The following GPRC6A variants were observed in gnomAD, a reference collection of about 807,000 sequenced individuals.
The protein encoded by GPRC6A is G protein-coupled receptor family C group 6 member A.
A neutral mutation model predicts 47.0 loss-of-function variants in GPRC6A; 54 were observed. The observed-to-expected ratio is 1.15, with a 90% CI of 0.92 to 1.44. The LOEUF (loss-of-function observed/expected upper bound fraction) is 1.44. Among genes scored for constraint, GPRC6A ranks in the 40% most tolerant of loss-of-function variants. The pLI, the probability that GPRC6A is intolerant of heterozygous loss-of-function variation, is 0.00. For missense variants in GPRC6A, 1,112 were observed against 1,105.5 expected, an observed-to-expected ratio of 1.01 and a Z score of -0.08; for synonymous variants, 347 against 377.1, an observed-to-expected ratio of 0.92 and a Z score of 0.93.
intron 3 of GPRC6A, among the ~76,000 whole-genome samples, chr6:116,802,996 T>A (rs2114589780): frequency 6.6e-6 from 1 of 152,148 alleles, no homozygotes; most frequent in East Asian, 1.9e-4. Context: ...GCAACTACCT[T>A]GCTACACTTA....
At chr6:116,816,730 G>A (rs1050370144) in intron 1 of GPRC6A, among the ~76,000 whole-genome samples, 30 of 152,370 alleles carry the variant, frequency 2.0e-4, no homozygotes, top group Admixed American at 4.6e-4. Context: ...CTTGGGAAGC[G>A]CAAGGGGTCA....
chr6:116,796,464 C>T (rs765511717), intron 4 of GPRC6A, among the ~76,000 whole-genome samples: 25 of 151,978 alleles, frequency 1.6e-4, no homozygotes, highest in Non-Finnish European at 3.4e-4. Context: ...TTTATGGAAC[C>T]GTAGCTGGTA....
chr6:116,796,122 T>C (rs1441399203), intron 4 of GPRC6A, among the ~76,000 whole-genome samples: 7 of 152,058 alleles, frequency 4.6e-5, no homozygotes, highest in African/African-American at 1.2e-4. Context: ...TGTGTAGTAC[T>C]AGAACTAAAG....
At chr6:116,825,398 C>A (rs1349133526) in intron 1 of GPRC6A, among the ~76,000 whole-genome samples, 1 of 151,766 alleles carries the variant, frequency 6.6e-6, no homozygotes. Context: ...TTGCAGGATA[C>A]AATATCAATA....
At position 116,823,621 on chromosome 6, in the gene GPRC6A, A is replaced by G. The variant is rs139901888; in HGVS notation, c.194+5199T>C. ...CCACATTTTCAGATATCTTTATAGC[A>G]ATGCCCCACCTCTCTGGTACCAAGT... On this transcript the variant is annotated intron_variant, in intron 1 of 5. Transcript: ENST00000310357. 2.6e-3 allele frequency among the ~76,000 whole-genome samples: 403 copies of G among 152,228 alleles called. 3 individuals carry two copies. Among genetic ancestry groups the G allele is most frequent in the African/African-American group, 9.1e-3 (380 of 41,552 alleles).
intron 1 of GPRC6A, among the ~76,000 whole-genome samples, chr6:116,820,712 A>T (rs1054534899): frequency 6.6e-5 from 10 of 152,020 alleles, no homozygotes; most frequent in Admixed American, 2.0e-4. Context: ...CATATTTCAA[A>T]ATAATAAGAG....
In GPRC6A at chr6:116,806,569, T is replaced by C; in HGVS notation, c.1136A>G (p.His379Arg). The C allele has an allele frequency of 6.2e-7, 1 of 1,613,626 alleles. No individual in the cohort carries two copies. The highest frequency in any genetic ancestry group is 1.3e-5 in the African/African-American group (1 of 75,018). ...DTDLSQCIFN[H>R]SQRTLAYKAN... is the part of the protein sequence containing the mutation. The stretch of plus-strand genomic sequence containing the variant: ...CTTGTAGGCCAAAGTCCTTTGAGAA[T>C]GATTGAATATGCATTGACTCAAATC... Residue 379 changes from histidine (H) to arginine (R), a missense_variant, in exon 3 of 6, where the codon CAT (histidine) becomes CGT (arginine). His to Arg is a conservative substitution (Grantham distance 29, BLOSUM62 0). Coordinates refer to ENST00000310357, the MANE Select transcript of GPRC6A (RefSeq NM_148963.4).
chr6:116,793,662 C>T (rs1353351920), intron 5 of GPRC6A, among the ~76,000 whole-genome samples: 1 of 152,132 alleles, frequency 6.6e-6, no homozygotes, highest in Non-Finnish European at 1.5e-5. Context: ...ACTAACTGAA[C>T]TTTCTGAGCC....
intron 1 of GPRC6A, among the ~76,000 whole-genome samples, chr6:116,825,988 A>G (rs970774772): frequency 2.0e-5 from 3 of 151,958 alleles, no homozygotes; most frequent in Non-Finnish European, 4.4e-5. Context: ...TTGGATATCC[A>G]TATGCAGAAG....
intron 1 of GPRC6A, among the ~76,000 whole-genome samples, chr6:116,817,026 G>A (rs1332181795): frequency 1.6e-4 from 24 of 152,202 alleles, no homozygotes; most frequent in Non-Finnish European, 5.9e-5. Flanking sequence ...GAACTGGGTG[G>A]AGCCCACCAC....
At chr6:116,810,794 A>G (rs947153216) in intron 1 of GPRC6A, among the ~76,000 whole-genome samples, 3 of 152,028 alleles carry the variant, frequency 2.0e-5, no homozygotes, top group African/African-American at 7.2e-5. Context: ...TACAATTTCA[A>G]TTAAAAAAGA....
chr6:116,815,461 C>A (rs1458806310), intron 1 of GPRC6A, among the ~76,000 whole-genome samples: 1 of 152,162 alleles, frequency 6.6e-6, no homozygotes, highest in South Asian at 2.1e-4. Context: ...CCAGCCTGGG[C>A]AACAGAGTGT....
intron 4 of GPRC6A, among the ~76,000 whole-genome samples, chr6:116,798,543 G>C (rs554822646): frequency 6.6e-6 from 1 of 152,218 alleles, no homozygotes; most frequent in African/African-American, 2.4e-5. Flanking sequence ...AAAGGATTCT[G>C]AGCAGAGCAC....
At chr6:116,807,353 CTG>C (rs1291705668) in intron 2 of GPRC6A, 147 bp from the exon 3 acceptor site, 1 of 613,824 alleles carries the variant, frequency 1.6e-6, no homozygotes, top group Non-Finnish European at 2.9e-6. Context: ...TACTTAGCCC[CTG>C]ATGATGGTTT....
intron 1 of GPRC6A, among the ~76,000 whole-genome samples, chr6:116,812,960 A>G (rs984576251): frequency 4.6e-5 from 7 of 152,202 alleles, no homozygotes; most frequent in Admixed American, 3.9e-4. Flanking sequence ...CCTATACACC[A>G]ATAACAGACA....
At chr6:116,816,487 G>A (rs1773210964) in intron 1 of GPRC6A, among the ~76,000 whole-genome samples, 1 of 152,242 alleles carries the variant, frequency 6.6e-6, no homozygotes, top group South Asian at 2.1e-4. Context: ...ACAAGCAGCA[G>A]CAGGGCCCTG....
chr6:116,802,032 T>A (rs994609941), intron 3 of GPRC6A, among the ~76,000 whole-genome samples: 2 of 152,176 alleles, frequency 1.3e-5, no homozygotes, highest in African/African-American at 4.8e-5. Flanking sequence ...CCCCAGTAAC[T>A]CAGTTCTTTA....
At chr6:116,811,932 A>C (rs1195664015) in intron 1 of GPRC6A, among the ~76,000 whole-genome samples, 1 of 152,198 alleles carries the variant, frequency 6.6e-6, no homozygotes, top group African/African-American at 2.4e-5. Context: ...GAAGGTAAAG[A>C]GATATTGAAA....
chr6:116,799,719 T>C (rs568585671), intron 4 of GPRC6A, among the ~76,000 whole-genome samples: 1 of 152,312 alleles, frequency 6.6e-6, no homozygotes, highest in South Asian at 2.1e-4. Context: ...TTCTTTGTTT[T>C]AAGATGAGAG....
Sources: gnomAD v4.1 joint callset for allele counts (sites outside exome capture counted in the v4.1 genomes callset) on GRCh38, gnomAD v4.1.1 for gene constraint, MANE v1.5 for transcripts, NCBI Gene and HGNC (gene_info 2026-07-23, HGNC 2026-07-21) for gene names.